The following ATP8A2 variants were observed in gnomAD, a reference collection of about 807,000 sequenced individuals.
ATP8A2 encodes phospholipid-transporting ATPase IB.
ATP8A2 carries 100 observed loss-of-function variants against 165.6 expected under a neutral mutation model. The ratio of observed to expected loss-of-function variants is 0.60; its 90% CI spans 0.51 to 0.71. ATP8A2 has a LOEUF of 0.71. Among genes scored for constraint, ATP8A2 ranks in the 30% least tolerant of loss-of-function variants. The probability of loss-of-function intolerance (pLI) is 0.00; values close to 1 mark genes in which losing one functional copy is unlikely to be tolerated. For synonymous variants in ATP8A2, 543 were observed against 548.8 expected, an observed-to-expected ratio of 0.99 and a Z score of 0.15; for missense variants, 1,227 against 1,479.5, an observed-to-expected ratio of 0.83 and a Z score of 2.80.
chr13:25,878,560 C>T lies in ATP8A2; in HGVS notation c.3183+16152C>T, dbSNP rs370791137. 2.0e-5 allele frequency among the ~76,000 whole-genome samples: 3 copies of T among 151,982 alleles called. No homozygotes were observed. In the East Asian group the frequency reaches 5.8e-4, roughly 29 times the overall value. ...TGGTTTGGTGGGTTTTGGCTGGCTT[C>T]TTTATTGCAACCTGTTTTATCAGCA... is the stretch of plus-strand genomic sequence containing the variant. On this transcript the variant is annotated intron_variant, in intron 33 of 36. Transcript: ENST00000381655.
intron 30 of ATP8A2, among the ~76,000 whole-genome samples, chr13:25,858,097 T>A (rs1263873046): frequency 6.6e-6 from 1 of 152,186 alleles, no homozygotes; most frequent in East Asian, 1.9e-4. Context: ...TATGTTAGAA[T>A]CAAAGAGATG....
chr13:25,747,492 G>T (rs1165875124), intron 25 of ATP8A2, among the ~76,000 whole-genome samples: 1 of 152,162 alleles, frequency 6.6e-6, no homozygotes, highest in Admixed American at 6.5e-5. Flanking sequence ...TTTGTTTCAT[G>T]TCTTCCACAT....
intron 35 of ATP8A2, among the ~76,000 whole-genome samples, chr13:25,996,256 C>T (rs1043664879): frequency 2.0e-5 from 3 of 152,064 alleles, no homozygotes; most frequent in African/African-American, 7.2e-5. Context: ...CATATTTATA[C>T]CATTTATATT....
intron 28 of ATP8A2, among the ~76,000 whole-genome samples, chr13:25,835,979 G>C (rs1354330120): frequency 3.3e-5 from 5 of 152,182 alleles, no homozygotes; most frequent in Non-Finnish European, 7.3e-5. Flanking sequence ...CCGATGAGCT[G>C]AGCAGAGGAG....
chr13:25,770,330 T>C (rs2044592481), intron 26 of ATP8A2, among the ~76,000 whole-genome samples: 1 of 152,092 alleles, frequency 6.6e-6, no homozygotes, highest in South Asian at 2.1e-4. Context: ...CTGCACTTGA[T>C]GGATCAGCTG....
At chr13:25,990,895 T>TG (rs1462273910) in intron 35 of ATP8A2, among the ~76,000 whole-genome samples, 1 of 152,186 alleles carries the variant, frequency 6.6e-6, no homozygotes, top group Non-Finnish European at 1.5e-5. Context: ...GTCAGCCAGG[T>TG]GCCCTGCTAA....
At chr13:25,910,555 A>G (rs1954072930) in intron 33 of ATP8A2, among the ~76,000 whole-genome samples, 1 of 151,618 alleles carries the variant, frequency 6.6e-6, no homozygotes, top group Non-Finnish European at 1.5e-5. Context: ...ACAGCAGTAG[A>G]GAGAAGTCAA....
intron 35 of ATP8A2, among the ~76,000 whole-genome samples, chr13:25,995,634 T>C (rs1956484262): frequency 6.6e-6 from 1 of 152,060 alleles, no homozygotes; most frequent in Non-Finnish European, 1.5e-5. Flanking sequence ...CTAGTTTGAT[T>C]CCATTGTGTT....
At chr13:25,994,602 T>G (rs991324740) in intron 35 of ATP8A2, among the ~76,000 whole-genome samples, 1 of 152,146 alleles carries the variant, frequency 6.6e-6, no homozygotes, top group African/African-American at 2.4e-5. Context: ...GAATGGGTGT[T>G]GAATTTTGTA....
chr13:25,537,416 T>C (rs1023241360), intron 6 of ATP8A2, among the ~76,000 whole-genome samples: 7 of 152,218 alleles, frequency 4.6e-5, no homozygotes, highest in Non-Finnish European at 1.0e-4. Flanking sequence ...TGCACCTCAA[T>C]TTGTAAAACA....
chr13:25,464,307 A>G (rs1341399337), intron 1 of ATP8A2, among the ~76,000 whole-genome samples: 2 of 151,922 alleles, frequency 1.3e-5, no homozygotes, highest in Non-Finnish European at 2.9e-5. Context: ...CTGCTTTACC[A>G]CACTAGTTAA....
chr13:25,780,433 G>A (rs968968201), intron 27 of ATP8A2, among the ~76,000 whole-genome samples: 5 of 152,144 alleles, frequency 3.3e-5, no homozygotes, highest in Non-Finnish European at 7.3e-5. Flanking sequence ...GAAATGAGAT[G>A]CATATTTAGC....
chr13:25,424,606 G>A (rs7985275), intron 1 of ATP8A2, among the ~76,000 whole-genome samples: 63,493 of 151,996 alleles, frequency 0.42, 14,301 homozygotes, highest in East Asian at 0.59. Context: ...TTTGAAACAT[G>A]GTGATAAAAC....
intron 33 of ATP8A2, among the ~76,000 whole-genome samples, chr13:25,956,180 G>A (rs970346225): frequency 1.3e-5 from 2 of 152,184 alleles, no homozygotes; most frequent in Non-Finnish European, 2.9e-5. Context: ...ATGGGCAAAA[G>A]CTGGAAGCAT....
At chr13:25,749,388 A>G (rs753920841) in intron 25 of ATP8A2, among the ~76,000 whole-genome samples, 1 of 152,190 alleles carries the variant, frequency 6.6e-6, no homozygotes. Flanking sequence ...AGGAGACGAC[A>G]CTGGAGGTGG....
chr13:25,435,912 CGTGT>C (rs148040890), intron 1 of ATP8A2, among the ~76,000 whole-genome samples: 4 of 56,710 alleles, frequency 7.1e-5, no homozygotes, highest in African/African-American at 1.2e-4. Flanking sequence ...GAAAAAGCAT[CGTGT>C]GTGTGTGTGT....
chr13:25,724,423 C>A (rs1026258425), intron 25 of ATP8A2, among the ~76,000 whole-genome samples: 4 of 152,140 alleles, frequency 2.6e-5, no homozygotes, highest in Non-Finnish European at 4.4e-5. Context: ...GAAGCCTGGA[C>A]AACATTTCCC....
At chr13:25,654,852 C>T (rs1050080368) in intron 24 of ATP8A2, among the ~76,000 whole-genome samples, 1 of 152,142 alleles carries the variant, frequency 6.6e-6, no homozygotes, top group Admixed American at 6.5e-5. Flanking sequence ...CTGCTGTGAT[C>T]CTGAGAATTT....
chr13:25,931,086 C>A (rs766777010), intron 33 of ATP8A2, among the ~76,000 whole-genome samples: 168 of 151,714 alleles, frequency 1.1e-3, no homozygotes, highest in Non-Finnish European at 1.9e-3. Context: ...ATGTGAAAAT[C>A]CAAAATCTGA....
Sources: allele counts gnomAD v4.1 joint callset (sites outside exome capture counted in the v4.1 genomes callset), GRCh38; gene constraint gnomAD v4.1.1; transcripts MANE v1.5; gene names NCBI Gene and HGNC (gene_info 2026-07-23, HGNC 2026-07-21).